The following SATB2 variants were observed in gnomAD, a reference collection of about 807,000 sequenced individuals.
SATB2 encodes the protein DNA-binding protein SATB2.
A neutral mutation model predicts 73.4 loss-of-function variants in SATB2; 1 was observed. The ratio of observed to expected loss-of-function variants is 0.01; its 90% CI spans 0.00 to 0.06. SATB2 has a LOEUF of 0.06. Among genes scored for constraint, SATB2 ranks in the 10% least tolerant of loss-of-function variants. SATB2 has a pLI of 1.00. For synonymous variants in SATB2, 397 were observed against 367.0 expected, an observed-to-expected ratio of 1.08 and a Z score of -0.93; for missense variants, 459 against 945.8, an observed-to-expected ratio of 0.49 and a Z score of 6.75.
chr2:199,442,354 A>G (rs911767869), intron 2 of SATB2, among the ~76,000 whole-genome samples: 1 of 152,124 alleles, frequency 6.6e-6, no homozygotes, highest in South Asian at 2.1e-4. Context: ...GTGCGTGACC[A>G]CTATTGACAG....
chr2:199,344,745 C>G (rs144960307), intron 7 of SATB2, among the ~76,000 whole-genome samples: 3 of 152,186 alleles, frequency 2.0e-5, no homozygotes, highest in African/African-American at 7.2e-5. Flanking sequence ...ATCCTGTGAT[C>G]TCAAATTGAC....
chr2:199,289,794 A>G (rs565724719), intron 10 of SATB2, among the ~76,000 whole-genome samples: 2 of 152,240 alleles, frequency 1.3e-5, no homozygotes, highest in East Asian at 3.9e-4. Flanking sequence ...CTTCCCCTCA[A>G]CTAAAACTCC....
At position 199,270,509 on chromosome 2, in the gene SATB2, T is replaced by TG. The variant is rs1294492638; in HGVS notation, c.*1701_*1702insC. On this transcript the variant is annotated 3_prime_UTR_variant, in exon 11 of 11. Transcript: ENST00000417098. ...TGACAAGGTTTTGTGAAAGCACAAC[T>TG]CAAAAAAAAAAAAAAAATCCAACCA... 1 of 56,770 alleles carries TG rather than the reference T, an allele frequency of 1.8e-5. No homozygotes were observed. The highest frequency in any genetic ancestry group is 5.3e-5 in the Non-Finnish European group (1 of 18,812). 3.5% of individuals were successfully genotyped at this position (56,770 alleles called of 1,614,324 possible).
At chr2:199,299,290 T>C (rs1163846313) in intron 10 of SATB2, among the ~76,000 whole-genome samples, 2 of 152,242 alleles carry the variant, frequency 1.3e-5, no homozygotes, top group East Asian at 1.9e-4. Flanking sequence ...CCATTCTTTG[T>C]AGAGCTATGT....
At chr2:199,404,663 T>C (rs1018684347) in intron 3 of SATB2, among the ~76,000 whole-genome samples, 1 of 152,190 alleles carries the variant, frequency 6.6e-6, no homozygotes, top group African/African-American at 2.4e-5. Context: ...TATAAAAACA[T>C]TGTTTTAAAC....
chr2:199,377,587 A>C (rs1689642025), intron 5 of SATB2, among the ~76,000 whole-genome samples: 1 of 152,162 alleles, frequency 6.6e-6, no homozygotes, highest in Admixed American at 6.5e-5. Context: ...ATATAGAATG[A>C]GTGCAGGAAG....
intron 10 of SATB2, among the ~76,000 whole-genome samples, chr2:199,300,214 G>A (rs1018777592): frequency 1.1e-4 from 16 of 151,654 alleles, no homozygotes; most frequent in South Asian, 1.0e-3. Flanking sequence ...GGAAGGAAGC[G>A]GAAGGGGAAG....
intron 10 of SATB2, among the ~76,000 whole-genome samples, chr2:199,301,047 G>A (rs1687275160): frequency 6.6e-6 from 1 of 151,850 alleles, no homozygotes; most frequent in Non-Finnish European, 1.5e-5. Flanking sequence ...ATGTTGAACT[G>A]ACTTTAAAAA....
chr2:199,309,152 A>G (rs1687524101), intron 9 of SATB2, among the ~76,000 whole-genome samples, 195 bp from the exon 10 acceptor site: 1 of 152,188 alleles, frequency 6.6e-6, no homozygotes, highest in African/African-American at 2.4e-5. Context: ...ATGCCCAAGA[A>G]TCTTTCCTCT....
chr2:199,462,647 G>A (rs1692502234), upstream of SATB2, among the ~76,000 whole-genome samples: 1 of 152,174 alleles, frequency 6.6e-6, no homozygotes, highest in East Asian at 1.9e-4. This position sits in a 1 kb window ranked among gnomAD's most constrained non-coding sequence, Gnocchi z 5.9. Flanking sequence ...TGGCTCCCCC[G>A]GCAGCTCAGG....
intron 5 of SATB2, among the ~76,000 whole-genome samples, chr2:199,379,720 A>G (rs1470909310): frequency 8.2e-5 from 9 of 110,084 alleles, no homozygotes; most frequent in African/African-American, 3.2e-4. Flanking sequence ...GGGTCTCGCT[A>G]TCTTGCTATG....
Position 199,323,942 on chromosome 2 carries a change from G to T in SATB2, c.1403C>A (p.Pro468Gln), listed in dbSNP as rs746076990. 6.2e-7 allele frequency: 1 copy of T among 1,613,168 alleles called. No homozygotes were observed. Among genetic ancestry groups the T allele is most frequent in the Non-Finnish European group, 8.5e-7 (1 of 1,179,466 alleles). Residue 468 changes from proline to glutamine, a missense_variant, in exon 9 of 11, where the codon CCG (proline) becomes CAG (glutamine). By Grantham distance (76) the Pro-to-Gln change is moderately conservative (BLOSUM62 -1). Transcript: ENST00000417098. ...CACCTTAATAGGGAGGTCTGTTGTC[G>T]GTGTCGAGGTTTTGGCCTACCAAGA... ...SRTPQAKTSTPTTDLPIKVDG... is the reference protein window; with the variant it reads ...SRTPQAKTSTQTTDLPIKVDG...
At chr2:199,469,900 T>C (rs912468017), upstream of SATB2, 4 of 152,320 alleles carry the variant, frequency 2.6e-5, no homozygotes. Context: ...AAGCTGTGTG[T>C]ATTGAGGGAA....
intron 2 of SATB2, among the ~76,000 whole-genome samples, chr2:199,440,209 G>A (rs913668410): frequency 1.1e-4 from 16 of 152,134 alleles, no homozygotes; most frequent in Non-Finnish European, 2.1e-4. Context: ...GGGGTCTCAG[G>A]AAAAATTTCT....
intron 9 of SATB2, among the ~76,000 whole-genome samples, chr2:199,313,547 A>G (rs1687650558): frequency 6.6e-6 from 1 of 152,176 alleles, no homozygotes; most frequent in Non-Finnish European, 1.5e-5. Flanking sequence ...TAGAAAAAAC[A>G]ACTCTGACTG....
chr2:199,468,777 C>CCGGG (rs1458053542), upstream of SATB2: 1 of 152,378 alleles, frequency 6.6e-6, no homozygotes, highest in African/African-American at 2.4e-5. Context: ...CCAGCAGCCC[C>CCGGG]CGCCCCTCAG....
chr2:199,446,748 T>C (rs1046066237), intron 2 of SATB2, among the ~76,000 whole-genome samples: 4 of 152,194 alleles, frequency 2.6e-5, no homozygotes, highest in Admixed American at 6.5e-5. Flanking sequence ...TAAATAACTT[T>C]TTTAAAAAAG....
intron 3 of SATB2, among the ~76,000 whole-genome samples, chr2:199,412,850 A>G (rs1017569400): frequency 9.9e-5 from 15 of 152,220 alleles, no homozygotes; most frequent in African/African-American, 3.6e-4. Context: ...TGAAACTGTA[A>G]AATCCATGGA....
At chr2:199,422,854 T>C (rs1691213021) in intron 3 of SATB2, among the ~76,000 whole-genome samples, 1 of 152,172 alleles carries the variant, frequency 6.6e-6, no homozygotes, top group Non-Finnish European at 1.5e-5. Flanking sequence ...ATAGCCATAA[T>C]ATGTCTATTA....
Sources: allele counts gnomAD v4.1 joint callset (sites outside exome capture counted in the v4.1 genomes callset), GRCh38; gene constraint gnomAD v4.1.1; non-coding constraint Gnocchi (gnomAD v3.1); transcripts MANE v1.5; gene names NCBI Gene and HGNC (gene_info 2026-07-23, HGNC 2026-07-21).